ACAN: variants seen among roughly 807,000 people sequenced by gnomAD.
The protein encoded by ACAN is aggrecan, also known as aggrecan core protein.
In ACAN, 47 loss-of-function variants were observed where a neutral mutation model predicts 169.1. The observed-to-expected ratio is 0.28, with a 90% CI of 0.22 to 0.35. The LOEUF is 0.35. ACAN is among the 10% of genes least tolerant of loss of function. The probability of loss-of-function intolerance (pLI) is 1.00; values close to 1 mark genes in which losing one functional copy is unlikely to be tolerated. For synonymous variants in ACAN, 1,115 were observed against 1,112.2 expected (o/e 1.00, Z -0.05); for missense variants, 2,716 against 2,759.9 (o/e 0.98, Z 0.36).
chr15:88,846,377 A>G (rs60482000), intron 7 of ACAN, among the ~76,000 whole-genome samples: 5,369 of 152,308 alleles, frequency 0.035, 333 homozygotes, highest in African/African-American at 0.12. Context: ...TGATTTTTAC[A>G]TTCTTAAATA....
chr15:88,847,877 G>C, intron 8 of ACAN, 34 bp from the exon 9 acceptor site: 1 of 1,608,404 alleles, frequency 6.2e-7, no homozygotes, highest in East Asian at 2.2e-5. Context: ...CCCTGGAACA[G>C]GCCTTCATCT....
Position 88,861,659 on chromosome 15 carries a change from G to T in ACAN, c.6946+1220G>T, listed in dbSNP as rs935787112. On this transcript the variant is annotated intron_variant, in intron 13 of 18. Coordinates refer to ENST00000560601, the MANE Select transcript of ACAN (RefSeq NM_001369268.1). This position sits in a 1 kb window ranked among gnomAD's most constrained non-coding sequence, Gnocchi z 6.3. Reference sequence around the variant, plus strand: ...AAGGTCCCGGGCTTACTGCAGAAGGGGACAGCATTTCCACTGGGCCATAGT... The same window carrying T: ...AAGGTCCCGGGCTTACTGCAGAAGGTGACAGCATTTCCACTGGGCCATAGT... Among the ~76,000 whole-genome samples the T allele has an allele frequency of 6.6e-6, 1 of 152,028 alleles. No homozygotes were observed. The highest frequency in any genetic ancestry group is 2.4e-5 in the African/African-American group (1 of 41,384).
In ACAN at chr15:88,807,227, G is replaced by A. The variant is rs117490607; in HGVS notation, c.-8+3418G>A. Among the ~76,000 whole-genome samples, 39 of 152,244 alleles carry A rather than the reference G, an allele frequency of 2.6e-4. No homozygotes were observed. Among genetic ancestry groups the A allele is most frequent in the African/African-American group, 9.1e-4 (38 of 41,532 alleles). ...AGGAAGAGGACCCAGAGTCAGAGAG[G>A]AAGCAGGGCATGGAGGAAGGTCTGC... On this transcript the variant is annotated intron_variant, in intron 1 of 18. Transcript: ENST00000560601. This position sits in a 1 kb window ranked among gnomAD's most constrained non-coding sequence, Gnocchi z 4.0.
At chr15:88,824,033 T>G (rs752219025) in intron 1 of ACAN, among the ~76,000 whole-genome samples, 19 of 151,922 alleles carry the variant, frequency 1.3e-4, no homozygotes, top group Non-Finnish European at 1.6e-4. Context: ...GTCTTAAGAT[T>G]AACAGTCCTG....
intron 1 of ACAN, among the ~76,000 whole-genome samples, chr15:88,820,451 G>A: frequency 6.6e-6 from 1 of 152,158 alleles, no homozygotes; most frequent in East Asian, 1.9e-4. Context: ...ACAGAATGAA[G>A]TCAATTTCTA....
chr15:88,836,862 G>A (rs886302543), intron 2 of ACAN, among the ~76,000 whole-genome samples: 1 of 152,250 alleles, frequency 6.6e-6, no homozygotes, highest in Admixed American at 6.5e-5. Context: ...CTTGACCCCA[G>A]AAGGGAAGGT....
chr15:88,867,516 G>A (rs1001637730), intron 13 of ACAN, among the ~76,000 whole-genome samples: 3 of 152,128 alleles, frequency 2.0e-5, no homozygotes, highest in Non-Finnish European at 2.9e-5. Flanking sequence ...ATTATATGGG[G>A]AAATGTTGGA....
At chr15:88,835,036 AG>A (rs1231465177) in intron 1 of ACAN, among the ~76,000 whole-genome samples, 1 of 152,206 alleles carries the variant, frequency 6.6e-6, no homozygotes, top group Non-Finnish European at 1.5e-5. Flanking sequence ...ACGATAAGGA[AG>A]GTTTGTCTTT....
In ACAN at chr15:88,841,817, G is replaced by A. The variant is rs764993901; in HGVS notation, c.707G>A (p.Arg236Gln). 1.1e-5 allele frequency: 17 copies of A among 1,613,330 alleles called. No homozygotes were observed. The highest frequency in any genetic ancestry group is 4.0e-5 in the African/African-American group (3 of 74,740). The change falls in exon 5 of 19, where the codon CGA becomes CAA. Residue 236 changes from arginine to glutamine, a missense_variant. By Grantham distance (43) the Arg-to-Gln change is conservative. Transcript: ENST00000560601. ...CCTGGTGTGAGGACGTATGGCATCC[G>A]AGACACCAACGAGACCTATGATGTG... The part of the protein sequence containing the change: ...EFPGVRTYGI[R>Q]DTNETYDVYC...
intron 1 of ACAN, among the ~76,000 whole-genome samples, chr15:88,827,831 A>C (rs975678163): frequency 2.0e-5 from 3 of 152,200 alleles, no homozygotes; most frequent in Non-Finnish European, 2.9e-5. Context: ...GAGGTAAGGA[A>C]ATTGAGCCTC....
chr15:88,838,540 C>T lies in ACAN; in HGVS notation c.71-123C>T, dbSNP rs1596130412. ...CACGGGAGCATCCCCATCATAGAGA[C>T]AGACACACTCATCGGATTTCGCTCT... On this transcript the variant is annotated intron_variant, in intron 2 of 18. Transcript: ENST00000560601. The surrounding 1 kb of genome is among the most constrained non-coding windows in gnomAD (Gnocchi z 5.1). 2.5e-6 allele frequency: 3 copies of T among 1,204,246 alleles called. No homozygotes were observed. In the East Asian group the frequency reaches 7.1e-5, roughly 28 times the overall value. The allele number at this position is 1,204,246 out of a possible 1,614,324, so 74.6% of individuals were successfully genotyped here.
At chr15:88,816,940 A>T (rs1247369574) in intron 1 of ACAN, among the ~76,000 whole-genome samples, 1 of 152,060 alleles carries the variant, frequency 6.6e-6, no homozygotes, top group East Asian at 1.9e-4. Flanking sequence ...GTTTCCCACC[A>T]TCTGATTCTC....
chr15:88,804,685 G>A (rs573968462), intron 1 of ACAN, among the ~76,000 whole-genome samples: 3 of 152,274 alleles, frequency 2.0e-5, no homozygotes, highest in South Asian at 2.1e-4. Context: ...AGCAAGCTGC[G>A]GGGGTGGGGG....
Position 88,858,176 on chromosome 15 carries a change from A to T in ACAN, c.5591A>T (p.Asp1864Val). 6.2e-7 allele frequency: 1 copy of T among 1,613,922 alleles called. No homozygotes were observed. The highest frequency in any genetic ancestry group is 8.5e-7 in the Non-Finnish European group (1 of 1,179,886). Residue 1864 changes from aspartate (D) to valine (V), a missense_variant, in exon 12 of 19, where the codon GAT becomes GTT. Coordinates refer to ENST00000560601, the MANE Select transcript of ACAN (RefSeq NM_001369268.1). The surrounding 1 kb of genome is among the most constrained non-coding windows in gnomAD (Gnocchi z 4.0). ...AGTGGCCTCCCTTCCGGAGAGGCAG[A>T]TCTGTCAGGCAAATCTGGGATGGTG... ...ELSGLPSGEA[D>V]LSGKSGMVDV...
At position 88,871,250 on chromosome 15, in the gene ACAN, G is replaced by A. The variant is rs1897371682; in HGVS notation, c.7061-132G>A. 5 of 1,295,446 alleles carry A rather than the reference G, an allele frequency of 3.9e-6. No individual in the cohort carries two copies. The highest frequency in any genetic ancestry group is 5.3e-6 in the Non-Finnish European group (5 of 939,738). 80.2% of individuals were successfully genotyped at this position (1,295,446 alleles called of 1,614,324 possible). On this transcript the variant is annotated intron_variant, in intron 14 of 18. Transcript: ENST00000560601. This position sits in a 1 kb window ranked among gnomAD's most constrained non-coding sequence, Gnocchi z 7.8. ...TTCCAACCTGAACTCCTCCAGCTGT[G>A]CCTCTCCCTTCCCTTGAGGGCACAG...
chr15:88,857,673 C>G lies in ACAN; in HGVS notation c.5088C>G (p.Pro1696=). Residue 1696 remains proline (P), a synonymous_variant, in exon 12 of 19, where the codon CCC becomes CCG. Transcript: ENST00000560601. The part of the protein sequence containing the change: ...ISGAGEISGL[P]SSELDISGRA... The stretch of plus-strand genomic sequence containing the variant: ...GTGCAGGAGAAATATCTGGACTGCC[C>G]TCCAGTGAGCTGGACATTAGTGGGA... The G allele has an allele frequency of 6.2e-7, 1 of 1,613,996 alleles. No homozygotes were observed. The highest frequency in any genetic ancestry group is 8.5e-7 in the Non-Finnish European group (1 of 1,179,898).
chr15:88,837,890 T>C lies in ACAN; in HGVS notation c.71-773T>C, dbSNP rs1401277659. Among the ~76,000 whole-genome samples the C allele has an allele frequency of 3.3e-5, 5 of 152,126 alleles. No individual in the cohort carries two copies. In the South Asian group the frequency reaches 1.0e-3, roughly 32 times the overall value. On this transcript the variant is annotated intron_variant, in intron 2 of 18. Coordinates refer to ENST00000560601, the MANE Select transcript of ACAN (RefSeq NM_001369268.1). ...TATGAGTCTCCATGAAAGGTGCTTT[T>C]TTTTTTTTTTTGGAAAGCTGTTTTT...
intron 1 of ACAN, among the ~76,000 whole-genome samples, chr15:88,834,952 G>C (rs1039786099): frequency 2.6e-5 from 4 of 152,180 alleles, no homozygotes; most frequent in Non-Finnish European, 4.4e-5. Context: ...CTGGAGTCAG[G>C]GTTCCAATTG....
In ACAN at chr15:88,870,292, G is replaced by A. The variant is rs1897350742; in HGVS notation, c.7061-1090G>A. The stretch of plus-strand genomic sequence containing the variant: ...TCCATTCCAGGACAGCCAGAGTATG[G>A]TGGCACCCAATCAGGGAGACCACCA... On this transcript the variant is annotated intron_variant, in intron 14 of 18. Transcript: ENST00000560601. This position sits in a 1 kb window ranked among gnomAD's most constrained non-coding sequence, Gnocchi z 6.3. Among the ~76,000 whole-genome samples the A allele has an allele frequency of 6.6e-6, 1 of 152,102 alleles. No homozygotes were observed. The highest frequency in any genetic ancestry group is 1.5e-5 in the Non-Finnish European group (1 of 68,022).
Sources: allele counts gnomAD v4.1 joint callset (sites outside exome capture counted in the v4.1 genomes callset), GRCh38; gene constraint gnomAD v4.1.1; non-coding constraint Gnocchi (gnomAD v3.1); transcripts MANE v1.5; gene names NCBI Gene and HGNC (gene_info 2026-07-23, HGNC 2026-07-21).